The following EPHA1 variants were observed in gnomAD, a reference collection of about 807,000 sequenced individuals.
EPHA1 encodes the protein ephrin type-A receptor 1.
EPHA1 carries 92 observed loss-of-function variants against 110.1 expected under a neutral mutation model. The observed-to-expected ratio is 0.84, with a 90% confidence interval of 0.71 to 0.99. EPHA1 has a LOEUF of 0.99. Ranked by LOEUF, EPHA1 falls within the 50% of genes least tolerant of loss-of-function variation. The pLI, the probability that EPHA1 is intolerant of heterozygous loss-of-function variation, is 0.00. For missense variants in EPHA1, 1,204 were observed against 1,285.4 expected (o/e 0.94, Z 0.97); for synonymous variants, 500 against 516.1 (o/e 0.97, Z 0.42).
rs745456870 is a variant in EPHA1, at chr7:143,395,019, A to G, written c.2146-5T>C. 6.2e-7 allele frequency: 1 copy of G among 1,614,032 alleles called. No homozygotes were observed. The highest frequency in any genetic ancestry group is 8.5e-7 in the Non-Finnish European group (1 of 1,180,014). ...GACCAGCTGGTCCTCCCGCTCCTGC[A>G]GCAGGGTGAGTGGGTGAGTCAGGGG... On this transcript the variant is annotated splice_region_variant and splice_polypyrimidine_tract_variant and intron_variant, in intron 13 of 17. Coordinates refer to ENST00000275815, the MANE Select transcript of EPHA1 (RefSeq NM_005232.5). The surrounding 1 kb of genome is among the most constrained non-coding windows in gnomAD (Gnocchi z 4.7).
Position 143,401,313 on chromosome 7 carries a change from G to A in EPHA1, c.432+11C>T. The stretch of plus-strand genomic sequence containing the variant: ...GCACCAGGACCCAGATGGCATGGAG[G>A]GAAGCAGCACCTTCTGGAACAAGGG... On this transcript the variant is annotated intron_variant, in intron 3 of 17. Coordinates refer to ENST00000275815, the MANE Select transcript of EPHA1 (RefSeq NM_005232.5). This position sits in a 1 kb window ranked among gnomAD's most constrained non-coding sequence, Gnocchi z 4.1. 3.1e-6 allele frequency: 5 copies of A among 1,612,072 alleles called. No homozygotes were observed. Among genetic ancestry groups the A allele is most frequent in the Non-Finnish European group, 4.2e-6 (5 of 1,179,100 alleles).
chr7:143,397,630 A>G lies in EPHA1; in HGVS notation c.1643T>C (p.Ile548Thr), dbSNP rs1298929475. The change falls in exon 9 of 18, where the codon ATT (isoleucine) becomes ACT (threonine). Residue 548 changes from isoleucine (I) to threonine (T), a missense_variant. By Grantham distance (89) the Ile-to-Thr change is moderately conservative (BLOSUM62 -1). Coordinates refer to ENST00000275815, the MANE Select transcript of EPHA1 (RefSeq NM_005232.5). ...PVSRGLTGGEIVAVIFGLLLG... is the reference protein window; with the variant it reads ...PVSRGLTGGETVAVIFGLLLG... Reference sequence around the variant, plus strand: ...CAGCAGCCCAAAGATGACGGCTACAATCTCTCCTCCAGTCAGGCCCCTGGA... The same window carrying G: ...CAGCAGCCCAAAGATGACGGCTACAGTCTCTCCTCCAGTCAGGCCCCTGGA... 2 of 1,614,156 alleles carry G rather than the reference A, an allele frequency of 1.2e-6. No homozygotes were observed. Among genetic ancestry groups the G allele is most frequent in the Admixed American group, 3.3e-5 (2 of 60,018 alleles).
rs1805399014 is a variant in EPHA1 at position 143,401,001 on chromosome 7, C to T, written c.432+323G>A. 5.8e-6 allele frequency: 2 copies of T among 346,198 alleles called. No individual in the cohort carries two copies. Among genetic ancestry groups the T allele is most frequent in the Non-Finnish European group, 5.4e-6 (1 of 183,862 alleles). The allele number at this position is 346,198 out of a possible 1,614,324, so 21.4% of individuals were successfully genotyped here. A position where few individuals can be genotyped will look rare whatever the true frequency, so the allele number is the denominator to read the frequency against. ...CTCAAACTCCTGGGCTCAAGTGATC[C>T]TCCTGCCTCAGCCTCCTGAGTCGCT... On this transcript the variant is annotated intron_variant, in intron 3 of 17. Transcript: ENST00000275815. This position sits in a 1 kb window ranked among gnomAD's most constrained non-coding sequence, Gnocchi z 4.1.
chr7:143,391,905 C>T, intron 16 of EPHA1, 130 bp from the exon 17 acceptor site: 1 of 1,471,016 alleles, frequency 6.8e-7, no homozygotes. Flanking sequence ...TGTGGATTGA[C>T]CCCACCATTA....
In EPHA1 at chr7:143,401,831, G is replaced by A. The variant is rs1450098734; in HGVS notation, c.151-226C>T. On this transcript the variant is annotated intron_variant, in intron 2 of 17. Coordinates refer to ENST00000275815, the MANE Select transcript of EPHA1 (RefSeq NM_005232.5). This position sits in a 1 kb window ranked among gnomAD's most constrained non-coding sequence, Gnocchi z 4.1. Reference sequence around the variant, plus strand: ...CAATAGTCCCTTAACATCCCTAGTTGATCCTGGTCCCTTCAGTTAGTCTAG... The same window carrying A: ...CAATAGTCCCTTAACATCCCTAGTTAATCCTGGTCCCTTCAGTTAGTCTAG... Among the ~76,000 whole-genome samples, 1 of 152,176 alleles carries A rather than the reference G, an allele frequency of 6.6e-6. No individual in the cohort carries two copies. Among genetic ancestry groups the A allele is most frequent in the Non-Finnish European group, 1.5e-5 (1 of 68,036 alleles).
Position 143,395,659 on chromosome 7 carries a change from G to A in EPHA1, c.1898-155C>T. 1.3e-6 allele frequency: 1 copy of A among 745,484 alleles called. No individual in the cohort carries two copies. The highest frequency in any genetic ancestry group is 2.1e-6 in the Non-Finnish European group (1 of 468,620). 46.2% of individuals were successfully genotyped at this position (745,484 alleles called of 1,614,324 possible). A position where few individuals can be genotyped will look rare whatever the true frequency, so the allele number is the denominator to read the frequency against. ...GACAGGGCGTGGGCTGTCCTTCCTG[G>A]GGAAGGTCAGAGTCTGGAGCTGGAG... On this transcript the variant is annotated intron_variant, in intron 11 of 17. Coordinates refer to ENST00000275815, the MANE Select transcript of EPHA1 (RefSeq NM_005232.5). The surrounding 1 kb of genome is among the most constrained non-coding windows in gnomAD (Gnocchi z 4.7).
chr7:143,406,137 C>T (rs892901439), intron 2 of EPHA1, among the ~76,000 whole-genome samples: 9 of 152,058 alleles, frequency 5.9e-5, no homozygotes, highest in Non-Finnish European at 1.2e-4. Context: ...AGCTGACTGC[C>T]GGGGATGGGA....
rs1805215813 is a variant in EPHA1 at position 143,395,391 on chromosome 7, G to A, written c.2011C>T (p.Leu671Phe). ...TSPGGQWWNF[L>F]REATIMGQFS... ...TGGCCCATGATAGTTGCCTCTCGAA[G>A]GAAGTTCCACCACTGGCCACCTGGG... The change falls in exon 12 of 18, where the codon CTT becomes TTT. Residue 671 changes from leucine (L) to phenylalanine (F), a missense_variant. Coordinates refer to ENST00000275815, the MANE Select transcript of EPHA1 (RefSeq NM_005232.5). The surrounding 1 kb of genome is among the most constrained non-coding windows in gnomAD (Gnocchi z 4.7). 6.2e-7 allele frequency: 1 copy of A among 1,614,094 alleles called. No individual in the cohort carries two copies. Among genetic ancestry groups the A allele is most frequent in the Non-Finnish European group, 8.5e-7 (1 of 1,180,048 alleles).
At position 143,394,985 on chromosome 7, in the gene EPHA1, C is replaced by G. The variant is rs760710752; in HGVS notation, c.2175G>C (p.Gln725His). The G allele has an allele frequency of 2.9e-5, 47 of 1,614,134 alleles. No individual in the cohort carries two copies. The East Asian group carries it at 1.0e-3, about 36-fold the overall frequency. ...REREDQLVPG[Q>H]LVAMLQGIAS... ...CTATGCCCTGCAGCATGGCCACTAGCTGCCCAGGGACCAGCTGGTCCTCCC... is the reference window on the plus strand; with the variant it reads ...CTATGCCCTGCAGCATGGCCACTAGGTGCCCAGGGACCAGCTGGTCCTCCC... Residue 725 changes from glutamine to histidine, a missense_variant, in exon 14 of 18, where the codon CAG (glutamine) becomes CAC (histidine). Gln to His is a conservative substitution (Grantham distance 24). Coordinates refer to ENST00000275815, the MANE Select transcript of EPHA1 (RefSeq NM_005232.5).
Position 143,397,942 on chromosome 7 carries a change from A to G in EPHA1, c.1593T>C (p.His531=), listed in dbSNP as rs182004719. Residue 531 remains histidine (H), a synonymous_variant, in exon 8 of 18, where the codon CAT becomes CAC. Coordinates refer to ENST00000275815, the MANE Select transcript of EPHA1 (RefSeq NM_005232.5). ...PLGPGPFSPD[H]EFRTSPPVSR... Reference sequence around the variant, plus strand: ...CACCTGGTGGGCTGGTCCGAAACTCATGATCAGGGGAGAAAGGGCCAGGAC... The same window carrying G: ...CACCTGGTGGGCTGGTCCGAAACTCGTGATCAGGGGAGAAAGGGCCAGGAC... 5 of 1,613,948 alleles carry G rather than the reference A, an allele frequency of 3.1e-6. No homozygotes were observed. In the Admixed American group the frequency reaches 8.3e-5, roughly 27 times the overall value.
At position 143,397,958 on chromosome 7, in the gene EPHA1, G is replaced by C. The variant is rs150816053; in HGVS notation, c.1577C>G (p.Pro526Arg). Residue 526 changes from proline to arginine, a missense_variant, in exon 8 of 18, where the codon CCT (proline) becomes CGT (arginine). Physicochemically the swap from Pro to Arg is moderately radical, Grantham distance 103 (BLOSUM62 -2). Transcript: ENST00000275815. Reference sequence around the variant, plus strand: ...CCGAAACTCATGATCAGGGGAGAAAGGGCCAGGACCCAGTGGGGTCAGCAT... The same window carrying C: ...CCGAAACTCATGATCAGGGGAGAAACGGCCAGGACCCAGTGGGGTCAGCAT... ...VRMLTPLGPG[P>R]FSPDHEFRTS... 44 of 1,614,058 alleles carry C rather than the reference G, an allele frequency of 2.7e-5. No individual in the cohort carries two copies. The highest frequency in any genetic ancestry group is 3.6e-5 in the Non-Finnish European group (42 of 1,180,026).
At chr7:143,402,180 G>T (rs1376910810) in intron 2 of EPHA1, among the ~76,000 whole-genome samples, 2 of 149,918 alleles carry the variant, frequency 1.3e-5, no homozygotes, top group African/African-American at 4.9e-5. Context: ...CCTCTTGCTT[G>T]GCCTCCCAAA....
rs1563117428 is a variant in EPHA1 at position 143,398,434 on chromosome 7, G to A, written c.1351C>T (p.Leu451=). The A allele has an allele frequency of 6.2e-6, 10 of 1,614,050 alleles. No homozygotes were observed. The highest frequency in any genetic ancestry group is 7.6e-6 in the Non-Finnish European group (9 of 1,180,018). The stretch of plus-strand genomic sequence containing the variant: ...TCTTTCTTCACCAGTCTCAGAGACA[G>A]GCCTGACAGTGACTCTGGGGGTCCA... The part of the protein sequence containing the change: ...SMGHAESLSG[L]SLRLVKKEPR... The change falls in exon 7 of 18, where the codon CTG becomes TTG. Residue 451 remains leucine (L), a synonymous_variant. Transcript: ENST00000275815.
intron 2 of EPHA1, among the ~76,000 whole-genome samples, chr7:143,403,256 G>A (rs954988503): frequency 7.9e-5 from 12 of 151,996 alleles, no homozygotes; most frequent in Non-Finnish European, 1.3e-4. Context: ...CTGTAATCCC[G>A]GCTACTTGGG....
chr7:143,401,726 CCT>C lies in EPHA1; in HGVS notation c.151-123_151-122del. On this transcript the variant is annotated intron_variant, in intron 2 of 17. Transcript: ENST00000275815. The surrounding 1 kb of genome is among the most constrained non-coding windows in gnomAD (Gnocchi z 4.1). ...CCTCAGGTTTATGCTACTTGTTCTG[CCT>C]CTCCCCACCCCTCAGCTCCAGGACA... is the stretch of plus-strand genomic sequence containing the variant. The C allele has an allele frequency of 8.5e-7, 1 of 1,173,016 alleles. No homozygotes were observed. Among genetic ancestry groups the C allele is most frequent in the Admixed American group, 2.2e-5 (1 of 45,346 alleles). 72.7% of individuals were successfully genotyped at this position (1,173,016 alleles called of 1,614,324 possible).
intron 2 of EPHA1, among the ~76,000 whole-genome samples, chr7:143,405,665 T>C (rs1805530163): frequency 6.6e-6 from 1 of 152,218 alleles, no homozygotes; most frequent in Admixed American, 6.5e-5. Context: ...GCCAGAAGTC[T>C]GACCTGCAGC....
At chr7:143,407,955 C>T in intron 1 of EPHA1, 1 of 262,090 alleles carries the variant, frequency 3.8e-6, no homozygotes, top group Non-Finnish European at 7.2e-6. Flanking sequence ...AGAGCAGCCC[C>T]ACGAGACGCT....
chr7:143,394,087 G>T lies in EPHA1; in HGVS notation c.2502+107C>A, dbSNP rs1381741995. 9 of 1,446,152 alleles carry T rather than the reference G, an allele frequency of 6.2e-6. No homozygotes were observed. The South Asian group carries it at 6.8e-5, about 11-fold the overall frequency. 89.6% of individuals were successfully genotyped at this position (1,446,152 alleles called of 1,614,324 possible). A position where few individuals can be genotyped will look rare whatever the true frequency, so the allele number is the denominator to read the frequency against. On this transcript the variant is annotated intron_variant, in intron 15 of 17. Transcript: ENST00000275815. ...AGCCAGGAGTACAGAAAAACTGAAG[G>T]TCATGAATAAATAAAGATATTTGCA... is the stretch of plus-strand genomic sequence containing the variant.
rs57457497 is a variant in EPHA1, at chr7:143,403,420, C to CT, written c.151-1816dup. ...CAAAAGTGTATATAGAGCTTTCTTA[C>CT]TTTTTTTTTTTAAAGCAATCCATAA... is the stretch of plus-strand genomic sequence containing the variant. On this transcript the variant is annotated intron_variant, in intron 2 of 17. Transcript: ENST00000275815. Among the ~76,000 whole-genome samples the CT allele has an allele frequency of 3.8e-3, 573 of 150,292 alleles. 6 individuals are homozygous for CT. The highest frequency in any genetic ancestry group is 0.013 in the African/African-American group (529 of 40,886).
Sources: allele counts gnomAD v4.1 joint callset (sites outside exome capture counted in the v4.1 genomes callset), GRCh38; gene constraint gnomAD v4.1.1; non-coding constraint Gnocchi (gnomAD v3.1); transcripts MANE v1.5; gene names NCBI Gene and HGNC (gene_info 2026-07-23, HGNC 2026-07-21).